The following ACSBG1 variants were observed in gnomAD, a reference collection of about 807,000 sequenced individuals.
The protein encoded by ACSBG1 is long-chain-fatty-acid--CoA ligase ACSBG1.
Under a neutral mutation model 80.2 loss-of-function variants are expected in ACSBG1, and 39 were observed. The observed-to-expected ratio is 0.49, with a 90% confidence interval of 0.38 to 0.64. The LOEUF (loss-of-function observed/expected upper bound fraction) is 0.64. Ranked by LOEUF, ACSBG1 falls within the 30% of genes least tolerant of loss-of-function variation. The pLI is 0.00. For missense variants in ACSBG1, 828 were observed against 966.4 expected (o/e 0.86, Z 1.90); for synonymous variants, 392 against 379.5 (o/e 1.03, Z -0.38).
In ACSBG1 at chr15:78,177,398, C is replaced by T. The variant is rs59824250; in HGVS notation, c.1702+1216G>A. Among the ~76,000 whole-genome samples the T allele has an allele frequency of 0.11, 16,435 of 152,160 alleles. 1,077 individuals carry two copies. Among genetic ancestry groups the T allele is most frequent in the East Asian group, 0.17 (863 of 5,174 alleles). ...GGCCATGGGGAAAGGATGCTGTGTC[C>T]GTTGGATATGTATTTGGAGAAAAGC... is the stretch of plus-strand genomic sequence containing the variant. On this transcript the variant is annotated intron_variant, in intron 11 of 13. Transcript: ENST00000258873. The surrounding 1 kb of genome is among the most constrained non-coding windows in gnomAD (Gnocchi z 4.1).
rs2074806556 is a variant in ACSBG1, at chr15:78,170,474, C to G, written c.*970G>C. ...TCCTTTGTTTAAGCTGCTGCTTCCT[C>G]TGTTTCATTGGATTGTGCCAGTTAT... On this transcript the variant is annotated 3_prime_UTR_variant, in exon 14 of 14. Coordinates refer to ENST00000258873, the MANE Select transcript of ACSBG1 (RefSeq NM_015162.5). 1.3e-5 allele frequency: 2 copies of G among 152,050 alleles called. No homozygotes were observed. The highest frequency in any genetic ancestry group is 3.8e-4 in the East Asian group (2 of 5,198). 9.4% of individuals were successfully genotyped at this position (152,050 alleles called of 1,614,324 possible).
At chr15:78,223,745 A>C (rs1038884440) in intron 1 of ACSBG1, among the ~76,000 whole-genome samples, 7 of 152,256 alleles carry the variant, frequency 4.6e-5, no homozygotes, top group African/African-American at 1.7e-4. Context: ...AAAAACTTGG[A>C]AGAGATTTGA....
At position 78,181,017 on chromosome 15, in the gene ACSBG1, C is replaced by T. The variant is rs1002993138; in HGVS notation, c.1072-81G>A. 7.3e-6 allele frequency: 11 copies of T among 1,515,716 alleles called. No individual in the cohort carries two copies. In the African/African-American group the frequency reaches 8.3e-5, roughly 11 times the overall value. The allele number at this position is 1,515,716 out of a possible 1,614,324, so 93.9% of individuals were successfully genotyped here. A position where few individuals can be genotyped will look rare whatever the true frequency, so the allele number is the denominator to read the frequency against. ...GTCCCCTCTTACCAGCCAGGCATGC[C>T]GGTGGCACACACATGCTCCAACGGG... On this transcript the variant is annotated intron_variant, in intron 8 of 13. Coordinates refer to ENST00000258873, the MANE Select transcript of ACSBG1 (RefSeq NM_015162.5).
chr15:78,222,249 T>C (rs2075364911), intron 1 of ACSBG1, among the ~76,000 whole-genome samples: 1 of 152,166 alleles, frequency 6.6e-6, no homozygotes, highest in Non-Finnish European at 1.5e-5. Flanking sequence ...AATAAGCAAA[T>C]CTATAGAGAC....
rs1188892122 is a variant in ACSBG1 at position 78,218,809 on chromosome 15, CTTTT to C, written c.132-10711_132-10708del. ...TTTTTTGAGACGGAGTATCGCTCTC[CTTTT>C]TTTTTTTTTTTTTTTTTTGACGGAG... On this transcript the variant is annotated intron_variant, in intron 1 of 13. Transcript: ENST00000258873. Among the ~76,000 whole-genome samples the C allele has an allele frequency of 8.1e-5, 3 of 37,092 alleles. No homozygotes were observed. The East Asian group carries it at 1.1e-3, about 14-fold the overall frequency. 24.3% of individuals were successfully genotyped at this position (37,092 alleles called of 152,430 possible).
At chr15:78,228,935 C>A (rs541332086) in intron 1 of ACSBG1, among the ~76,000 whole-genome samples, 2 of 152,280 alleles carry the variant, frequency 1.3e-5, no homozygotes, top group South Asian at 4.1e-4. Flanking sequence ...AAGACCAAGT[C>A]AGATCTTCGT....
intron 1 of ACSBG1, among the ~76,000 whole-genome samples, chr15:78,214,959 C>A (rs985553602): frequency 2.0e-5 from 3 of 152,182 alleles, no homozygotes; most frequent in African/African-American, 7.2e-5. Flanking sequence ...TCAGGACACC[C>A]TAACAGTTTG....
Position 78,180,876 on chromosome 15 carries a change from C to G in ACSBG1, c.1132G>C (p.Val378Leu). Residue 378 changes from valine (V) to leucine (L), a missense_variant, in exon 9 of 14, where the codon GTA (valine) becomes CTA (leucine). Val to Leu is a conservative substitution (Grantham distance 32). Transcript: ENST00000258873. ...ATGCGCTCCATGATCTTCTCCCATA[C>G]CCGGGGCACCCCCATGTGTGATGTG... is the stretch of plus-strand genomic sequence containing the variant. ...EPTSHMGVPR[V>L]WEKIMERIQE... is the part of the protein sequence containing the mutation. 6.2e-7 allele frequency: 1 copy of G among 1,614,220 alleles called. No individual in the cohort carries two copies. The highest frequency in any genetic ancestry group is 2.2e-5 in the East Asian group (1 of 44,890).
intron 5 of ACSBG1, 43 bp downstream of exon 5, chr15:78,193,463 A>T: frequency 6.3e-7 from 1 of 1,575,508 alleles, no homozygotes; most frequent in Non-Finnish European, 8.6e-7. Flanking sequence ...GTGCATGGGG[A>T]TACCCAGCAT....
chr15:78,184,369 A>G (rs2074978715), intron 5 of ACSBG1, among the ~76,000 whole-genome samples: 2 of 151,606 alleles, frequency 1.3e-5, no homozygotes, highest in African/African-American at 2.4e-5. Flanking sequence ...TTGTAGAGAC[A>G]GGGGGGTCTC....
intron 5 of ACSBG1, among the ~76,000 whole-genome samples, chr15:78,184,881 A>G (rs2074983087): frequency 6.6e-6 from 1 of 152,234 alleles, no homozygotes; most frequent in Non-Finnish European, 1.5e-5. Flanking sequence ...AATTGTTTTC[A>G]GATACTGGAC....
At chr15:78,174,664 A>G in intron 11 of ACSBG1, 140 bp from the exon 12 acceptor site, 1 of 1,054,690 alleles carries the variant, frequency 9.5e-7, no homozygotes, top group Non-Finnish European at 1.3e-6. Context: ...AAGCAGTGGC[A>G]GGCCCTCCAA....
At chr15:78,230,804 G>GTT in intron 1 of ACSBG1, among the ~76,000 whole-genome samples, 1 of 152,154 alleles carries the variant, frequency 6.6e-6, no homozygotes, top group East Asian at 1.9e-4. Context: ...ACATGGAACT[G>GTT]TAAGTCCAAT....
At chr15:78,225,436 A>AAATAAATAAAT (rs1567100830) in intron 1 of ACSBG1, among the ~76,000 whole-genome samples, 4 of 126,512 alleles carry the variant, frequency 3.2e-5, no homozygotes, top group African/African-American at 1.1e-4. Flanking sequence ...AATAAATAAA[A>AAATAAATAAAT]ATAAATTAAA....
intron 13 of ACSBG1, chr15:78,171,745 A>C (rs1190298695): frequency 4.3e-6 from 2 of 465,314 alleles, no homozygotes; most frequent in Non-Finnish European, 7.8e-6. Context: ...TGGCCAGTGG[A>C]GTATAGATGA....
rs2074951278 is a variant in ACSBG1, at chr15:78,182,087, T to C, written c.953A>G (p.Gln318Arg). 1 of 1,613,430 alleles carries C rather than the reference T, an allele frequency of 6.2e-7. No individual in the cohort carries two copies. The highest frequency in any genetic ancestry group is 2.2e-5 in the East Asian group (1 of 44,888). The stretch of plus-strand genomic sequence containing the variant: ...CAGGTAGCTGACTACCACCTCCTGC[T>C]GGACTTCTGCCGGCCGGATGTCACC... ...QAGDIRPAEV[Q>R]QEVVVSYLPL... The change falls in exon 8 of 14, where the codon CAG becomes CGG. Residue 318 changes from glutamine (Q) to arginine (R), a missense_variant. This residue lies in a region of ACSBG1 where 271 missense variants were observed against 375.9 expected (regional missense o/e 0.72). Coordinates refer to ENST00000258873, the MANE Select transcript of ACSBG1 (RefSeq NM_015162.5).
intron 9 of ACSBG1, 69 bp downstream of exon 9, chr15:78,180,686 C>T: frequency 6.4e-7 from 1 of 1,557,134 alleles, no homozygotes; most frequent in Non-Finnish European, 8.7e-7. Context: ...GTATCAGACC[C>T]TCACTGTGTT....
At chr15:78,193,850 G>A in intron 4 of ACSBG1, 82 bp downstream of exon 4, 1 of 1,528,608 alleles carries the variant, frequency 6.5e-7, no homozygotes, top group South Asian at 1.2e-5. Flanking sequence ...GGTGGGGGCT[G>A]CTAAAAAGAG....
chr15:78,224,885 G>C (rs981665173), intron 1 of ACSBG1, among the ~76,000 whole-genome samples: 1 of 152,074 alleles, frequency 6.6e-6, no homozygotes, highest in African/African-American at 2.4e-5. Flanking sequence ...GATCCTAAAA[G>C]ATGCAATAAG....
Sources: allele counts gnomAD v4.1 joint callset (sites outside exome capture counted in the v4.1 genomes callset), GRCh38; gene constraint gnomAD v4.1.1; regional missense constraint gnomAD v4.1.1; non-coding constraint Gnocchi (gnomAD v3.1); transcripts MANE v1.5; gene names NCBI Gene and HGNC (gene_info 2026-07-23, HGNC 2026-07-21).